The following TRPM1 variants were observed in gnomAD, a reference collection of about 807,000 sequenced individuals.
TRPM1 encodes the protein TRPM1-203 APA Isoform, Intron 10.
TRPM1 carries 113 observed loss-of-function variants against 149.4 expected under a neutral mutation model. That is an observed-to-expected ratio of 0.76 (90% confidence interval 0.65 to 0.88). The LOEUF (loss-of-function observed/expected upper bound fraction) is 0.88, where lower values mean the gene tolerates loss of function less well. Ranked by LOEUF, TRPM1 falls within the 40% of genes least tolerant of loss-of-function variation. TRPM1 has a pLI of 0.00. For missense variants in TRPM1, 1,976 were observed against 2,038.7 expected, an observed-to-expected ratio of 0.97 and a Z score of 0.59; for synonymous variants, 741 against 759.5, an observed-to-expected ratio of 0.98 and a Z score of 0.40.
intron 27 of TRPM1, among the ~76,000 whole-genome samples, chr15:31,006,006 A>T (rs1179732015): frequency 6.6e-6 from 1 of 152,230 alleles, no homozygotes; most frequent in African/African-American, 2.4e-5. Flanking sequence ...ATGATTAATC[A>T]GCAAAGAAGT....
upstream of TRPM1, among the ~76,000 whole-genome samples, chr15:31,105,472 TGCGC>T (rs1324745559): frequency 4.8e-5 from 4 of 83,772 alleles, no homozygotes; most frequent in African/African-American, 2.3e-4. Flanking sequence ...TGTGTGTGTG[TGCGC>T]GCGCGCGCGC....
At chr15:31,039,748 C>A (rs1596007663) in intron 18 of TRPM1, among the ~76,000 whole-genome samples, 1 of 152,202 alleles carries the variant, frequency 6.6e-6, no homozygotes, top group Admixed American at 6.5e-5. Context: ...GAGTTCCAGT[C>A]CCTCCTTTAA....
At chr15:31,021,110 T>G (rs1343452016) in intron 27 of TRPM1, among the ~76,000 whole-genome samples, 1 of 152,172 alleles carries the variant, frequency 6.6e-6, no homozygotes, top group Non-Finnish European at 1.5e-5. Flanking sequence ...TCCTTCCTAT[T>G]ATCCAAGCAA....
intron 1 of TRPM1, among the ~76,000 whole-genome samples, chr15:31,136,323 C>T (rs190713284): frequency 2.0e-5 from 3 of 152,298 alleles, no homozygotes; most frequent in East Asian, 1.9e-4. Context: ...CAGCCCCTGC[C>T]GTGCTTGCTG....
intron 18 of TRPM1, among the ~76,000 whole-genome samples, chr15:31,038,930 C>T (rs985753068): frequency 8.6e-5 from 13 of 150,830 alleles, no homozygotes; most frequent in Admixed American, 7.2e-4. Context: ...AACATGGGCT[C>T]GGCCTAGACA....
chr15:31,088,857 G>T (rs573254127), intron 1 of TRPM1, among the ~76,000 whole-genome samples: 1 of 100,076 alleles, frequency 1.0e-5, no homozygotes, highest in Non-Finnish European at 2.1e-5. Flanking sequence ...AAGCCCTGCT[G>T]CGGGTATTGA....
chr15:31,062,543 A>G (rs2034260737), intron 9 of TRPM1, 36 bp downstream of exon 9: 1 of 1,613,148 alleles, frequency 6.2e-7, no homozygotes, highest in Non-Finnish European at 8.5e-7. Context: ...AATTCTCTCC[A>G]CAGAGCTTGT....
chr15:31,069,619 G>C, intron 4 of TRPM1: 1 of 1,311,058 alleles, frequency 7.6e-7, no homozygotes, highest in Non-Finnish European at 9.7e-7. Flanking sequence ...CCAGCTGAGC[G>C]CAGGCCCAGG....
chr15:31,107,643 G>A (rs527552562), intron 1 of TRPM1, among the ~76,000 whole-genome samples: 1 of 151,832 alleles, frequency 6.6e-6, no homozygotes, highest in Non-Finnish European at 1.5e-5. Flanking sequence ...AAAGTTGAAG[G>A]TTAGGTTATT....
At chr15:31,081,658 C>A (rs1025330465) in intron 1 of TRPM1, among the ~76,000 whole-genome samples, 9 of 152,098 alleles carry the variant, frequency 5.9e-5, no homozygotes, top group Non-Finnish European at 1.0e-4. Context: ...CAACCTCGCA[C>A]CAAAGCCACA....
intron 16 of TRPM1, among the ~76,000 whole-genome samples, chr15:31,042,910 T>A (rs1299725280): frequency 6.6e-6 from 1 of 152,206 alleles, no homozygotes; most frequent in African/African-American, 2.4e-5. Context: ...AATATGTGGG[T>A]CTCAGACTAC....
At chr15:31,064,260 G>T (rs2034310528) in intron 7 of TRPM1, among the ~76,000 whole-genome samples, 1 of 152,234 alleles carries the variant, frequency 6.6e-6, no homozygotes, top group African/African-American at 2.4e-5. Flanking sequence ...TCAGTGGCTG[G>T]AATAAAGTGC....
chr15:31,042,894 G>C (rs888532965), intron 16 of TRPM1, among the ~76,000 whole-genome samples: 1 of 152,198 alleles, frequency 6.6e-6, no homozygotes, highest in Non-Finnish European at 1.5e-5. Flanking sequence ...GGGAAAATTG[G>C]CATGAAATAT....
intron 1 of TRPM1, among the ~76,000 whole-genome samples, chr15:31,090,881 A>AAC (rs1187570444): frequency 6.6e-6 from 1 of 152,136 alleles, no homozygotes. Context: ...CAACTTACTT[A>AAC]ACTTTCCTGA....
intron 14 of TRPM1, among the ~76,000 whole-genome samples, chr15:31,047,633 G>A (rs891861104): frequency 7.9e-5 from 12 of 152,194 alleles, no homozygotes; most frequent in Non-Finnish European, 1.3e-4. Context: ...CCCAGTGGCC[G>A]CCCTGGCCTG....
intron 7 of TRPM1, among the ~76,000 whole-genome samples, chr15:31,063,644 A>C (rs948339303): frequency 2.6e-5 from 4 of 151,994 alleles, no homozygotes; most frequent in African/African-American, 9.7e-5. Context: ...GTAGAGATGA[A>C]GTCTTGCCAT....
rs1044526881 is a variant in TRPM1 at position 31,001,944 on chromosome 15, G to T, written c.4756C>A (p.Gln1586Lys). Residue 1586 changes from glutamine (Q) to lysine (K), a missense_variant, in exon 28 of 28, where the codon CAG becomes AAG. By Grantham distance (53) the Gln-to-Lys change is moderately conservative. This residue lies in a region of TRPM1 where 572 missense variants were observed against 578.9 expected (regional missense o/e 0.99). Coordinates refer to ENST00000256552, the MANE Select transcript of TRPM1 (RefSeq NM_001252024.2). ...TGTCCAGATCTGTCTAACTTTCCCTGAATGGATTTCACATTCCTAGGATGT... is the reference window on the plus strand; with the variant it reads ...TGTCCAGATCTGTCTAACTTTCCCTTAATGGATTTCACATTCCTAGGATGT... ...HGHPRNVKSI[Q>K]GKLDRSGHAS... is the part of the protein sequence containing the mutation. The T allele has an allele frequency of 3.1e-6, 5 of 1,614,086 alleles. No individual in the cohort carries two copies. Among genetic ancestry groups the T allele is most frequent in the Non-Finnish European group, 3.4e-6 (4 of 1,180,022 alleles).
intron 1 of TRPM1, among the ~76,000 whole-genome samples, chr15:31,151,098 C>G (rs971328433): frequency 1.2e-4 from 19 of 152,134 alleles, no homozygotes; most frequent in African/African-American, 4.3e-4. Context: ...GAGCTTTCTT[C>G]TTTTGCTTGT....
At chr15:31,076,469 G>T (rs2241495) in intron 3 of TRPM1, among the ~76,000 whole-genome samples, 126,874 of 152,196 alleles carry the variant, frequency 0.83, 53,163 homozygotes, top group African/African-American at 0.91. Flanking sequence ...TAAAATTGTT[G>T]GATGTTTTGT....
Sources: gnomAD v4.1 joint callset for allele counts (sites outside exome capture counted in the v4.1 genomes callset) on GRCh38, gnomAD v4.1.1 for gene constraint, gnomAD v4.1.1 regional missense constraint, MANE v1.5 for transcripts, NCBI Gene and HGNC (gene_info 2026-07-23, HGNC 2026-07-21) for gene names.